Variants in TAF7L observed in about 807,000 individuals in gnomAD.
The protein encoded by TAF7L is transcription initiation factor TFIID subunit 7-like.
A neutral mutation model predicts 30.2 loss-of-function variants in TAF7L; 6 were observed. The observed-to-expected ratio is 0.20, with a 90% CI of 0.11 to 0.39. The LOEUF (loss-of-function observed/expected upper bound fraction) is 0.39, where lower values mean the gene tolerates loss of function less well. TAF7L is among the 10% of genes least tolerant of loss of function. The probability of loss-of-function intolerance (pLI) is 1.00; values close to 1 mark genes in which losing one functional copy is unlikely to be tolerated. For synonymous variants in TAF7L, 93 were observed against 94.5 expected (o/e 0.98, Z 0.09); for missense variants, 284 against 277.1 (o/e 1.03, Z -0.18).
chrX:101,273,631 A>G (rs781443407), intron 12 of TAF7L, among the ~76,000 whole-genome samples: 1 of 111,527 alleles, frequency 9.0e-6, no homozygotes, highest in Non-Finnish European at 1.9e-5. Flanking sequence ...CCTATCTACA[A>G]TTCTTCAAGG....
intron 9 of TAF7L, among the ~76,000 whole-genome samples, chrX:101,277,333 TC>T (rs1191561006): frequency 9.7e-6 from 1 of 103,367 alleles, no homozygotes; most frequent in Non-Finnish European, 2.0e-5. Context: ...ACACCTGTAA[TC>T]CCAGCTACCT....
rs1177933298 is a variant in TAF7L at position 101,288,483 on chromosome X, T to G, written c.-2-938A>C. 2.8e-5 allele frequency among the ~76,000 whole-genome samples: 3 copies of G among 106,733 alleles called. No homozygotes were observed. In the Admixed American group the frequency reaches 3.0e-4, roughly 11 times the overall value. 92.7% of individuals were successfully genotyped at this position (106,733 alleles called of 115,157 possible). Reference sequence around the variant, plus strand: ...TTTTTTTTTTTGAGACGGAGTCTCTTTTTTTTTTCTTTTTGAGATGGAGTT... The same window carrying G: ...TTTTTTTTTTTGAGACGGAGTCTCTGTTTTTTTTCTTTTTGAGATGGAGTT... On this transcript the variant is annotated intron_variant, in intron 1 of 12. Coordinates refer to ENST00000356784, the MANE Select transcript of TAF7L (RefSeq NM_001168474.2).
intron 11 of TAF7L, among the ~76,000 whole-genome samples, chrX:101,275,482 C>T: frequency 9.0e-6 from 1 of 110,777 alleles, no homozygotes; most frequent in Non-Finnish European, 1.9e-5. Flanking sequence ...ATTCTCATGT[C>T]TCAGCCTCCT....
chrX:101,276,358 C>G lies in TAF7L; in HGVS notation c.862G>C (p.Glu288Gln). ...CTATACTGGCCAGATTCAATAAACT[C>G]GGCCTGCAGCTGCCTTTCCAGATAC... ...EEYLERQLQA[E>Q]FIESGQYRAN... is the part of the protein sequence containing the mutation. The change falls in exon 10 of 13, where the codon GAG (glutamate) becomes CAG (glutamine). Residue 288 changes from glutamate (E) to glutamine (Q), a missense_variant. Glu to Gln is a conservative substitution (Grantham distance 29). Transcript: ENST00000356784. The G allele has an allele frequency of 8.3e-7, 1 of 1,211,106 alleles. No individual in the cohort carries two copies. The highest frequency in any genetic ancestry group is 1.1e-6 in the Non-Finnish European group (1 of 895,388).
At chrX:101,272,996 A>G (rs1304049146) in intron 12 of TAF7L, among the ~76,000 whole-genome samples, 1 of 110,455 alleles carries the variant, frequency 9.1e-6, no homozygotes, top group Non-Finnish European at 1.9e-5. Flanking sequence ...CTGGTCTCGA[A>G]CTCCTGGGCT....
rs1038411987 is a variant in TAF7L, at chrX:101,286,713, A to G, written c.67-60T>C. The G allele has an allele frequency of 3.4e-6, 3 of 882,062 alleles. No homozygotes were observed. The African/African-American group carries it at 5.9e-5, about 17-fold the overall frequency. 72.7% of individuals were successfully genotyped at this position (882,062 alleles called of 1,213,427 possible). On this transcript the variant is annotated intron_variant, in intron 2 of 12. Coordinates refer to ENST00000356784, the MANE Select transcript of TAF7L (RefSeq NM_001168474.2). ...TAAACATCTACTTGGCAGCTAACAG[A>G]ATAGATATATCAAAGAAAGCCCTCC...
At chrX:101,273,567 C>T (rs1049402974) in intron 12 of TAF7L, among the ~76,000 whole-genome samples, 9 of 109,669 alleles carry the variant, frequency 8.2e-5, no homozygotes, top group Non-Finnish European at 1.7e-4. Flanking sequence ...CCAGCCTGGG[C>T]GACAGAGCAA....
At chrX:101,269,914 G>T (rs1217975598) in intron 12 of TAF7L, among the ~76,000 whole-genome samples, 1 of 112,105 alleles carries the variant, frequency 8.9e-6, no homozygotes, top group African/African-American at 3.2e-5. Flanking sequence ...CACTGTAGGG[G>T]CAAAGGAGAT....
At chrX:101,292,845 C>G (rs748167428), upstream of TAF7L, 2 of 1,211,523 alleles carry the variant, frequency 1.7e-6, no homozygotes, top group South Asian at 1.8e-5. Flanking sequence ...CGCTGCTGTC[C>G]GCATCCGTTT....
chrX:101,287,577 AACC>A (rs1211067911), intron 1 of TAF7L, 32 bp from the exon 2 acceptor site: 1 of 1,136,692 alleles, frequency 8.8e-7, no homozygotes, highest in Non-Finnish European at 1.2e-6. Flanking sequence ...GCAAAAAGAA[AACC>A]ATCACTAAAA....
intron 12 of TAF7L, among the ~76,000 whole-genome samples, chrX:101,270,023 G>C (rs771509801): frequency 9.0e-6 from 1 of 111,091 alleles, no homozygotes; most frequent in Non-Finnish European, 1.9e-5. Flanking sequence ...AGTCTTACCA[G>C]CTGCTTCTTA....
upstream of TAF7L, chrX:101,293,003 C>T: frequency 8.3e-7 from 1 of 1,211,334 alleles, no homozygotes; most frequent in Non-Finnish European, 1.1e-6. Flanking sequence ...GGTGTTGAAT[C>T]ATTTTCTGAA....
upstream of TAF7L, among the ~76,000 whole-genome samples, chrX:101,292,266 A>AAAT (rs1924849640): frequency 5.3e-5 from 1 of 18,809 alleles, no homozygotes; most frequent in African/African-American, 1.3e-3. Flanking sequence ...TAAAAAAAAT[A>AAAT]AATAAAAATA....
chrX:101,272,793 G>T (rs985204270), intron 12 of TAF7L, among the ~76,000 whole-genome samples: 9 of 111,180 alleles, frequency 8.1e-5, no homozygotes, highest in Non-Finnish European at 1.5e-4. Flanking sequence ...GGGTGGGGAG[G>T]ACGGGGTTTG....
At chrX:101,269,860 T>C (rs1430858535) in intron 12 of TAF7L, among the ~76,000 whole-genome samples, 2 of 112,055 alleles carry the variant, frequency 1.8e-5, no homozygotes, top group African/African-American at 3.2e-5. Flanking sequence ...ATTTTTGCTG[T>C]TAAGAATTTG....
At chrX:101,284,883 TTTAC>T (rs1448407030) in intron 3 of TAF7L, among the ~76,000 whole-genome samples, 71 of 111,324 alleles carry the variant, frequency 6.4e-4, no homozygotes, top group Non-Finnish European at 1.9e-4. Flanking sequence ...TATTTACTTA[TTTAC>T]TTATTTATTT....
chrX:101,291,964 G>A (rs192277497), upstream of TAF7L, among the ~76,000 whole-genome samples: 156 of 109,393 alleles, frequency 1.4e-3, 1 homozygote, highest in South Asian at 2.0e-3. Context: ...TGGGCCGGGC[G>A]CGGTGGCTCA....
At chrX:101,281,699 C>T in intron 6 of TAF7L, 21 bp downstream of exon 6, 1 of 1,207,077 alleles carries the variant, frequency 8.3e-7, no homozygotes, top group South Asian at 1.8e-5. Context: ...CCGGCAGACA[C>T]ACAAATAGCA....
At chrX:101,292,866 G>C, upstream of TAF7L, 2 of 1,211,566 alleles carry the variant, frequency 1.7e-6, no homozygotes, top group Non-Finnish European at 2.2e-6. Context: ...GAGTGTCCTC[G>C]TCGGCAGGAA....
Sources: allele counts gnomAD v4.1 joint callset (sites outside exome capture counted in the v4.1 genomes callset), GRCh38; gene constraint gnomAD v4.1.1; transcripts MANE v1.5; gene names NCBI Gene and HGNC (gene_info 2026-07-23, HGNC 2026-07-21).